The following KIF16B variants were observed in gnomAD, a reference collection of about 807,000 sequenced individuals.
The protein encoded by KIF16B is kinesin-like protein KIF16B.
KIF16B carries 98 observed loss-of-function variants against 156.3 expected under a neutral mutation model. The ratio of observed to expected loss-of-function variants is 0.63; its 90% CI spans 0.53 to 0.74. The LOEUF is 0.74. Ranked by LOEUF, KIF16B falls within the 30% of genes least tolerant of loss-of-function variation. The pLI, the probability that KIF16B is intolerant of heterozygous loss-of-function variation, is 0.00. For missense variants in KIF16B, 1,421 were observed against 1,606.5 expected, an observed-to-expected ratio of 0.88 and a Z score of 1.97; for synonymous variants, 564 against 583.7, an observed-to-expected ratio of 0.97 and a Z score of 0.49.
chr20:16,354,669 G>C (rs1372591772), intron 23 of KIF16B, among the ~76,000 whole-genome samples: 1 of 152,190 alleles, frequency 6.6e-6, no homozygotes, highest in East Asian at 1.9e-4. Flanking sequence ...GCAAAGGCTG[G>C]GCGCGGTGGC....
intron 19 of KIF16B, 87 bp downstream of exon 19, chr20:16,378,718 A>T: frequency 1.5e-6 from 2 of 1,350,776 alleles, no homozygotes; most frequent in Non-Finnish European, 1.0e-6. Context: ...AGTTAAAAAA[A>T]AAAAAGGATA....
At position 16,312,367 on chromosome 20, in the gene KIF16B, G is replaced by A. The variant is rs180803641; in HGVS notation, c.3763C>T (p.Arg1255Cys). The A allele has an allele frequency of 8.1e-6, 13 of 1,613,496 alleles. No individual in the cohort carries two copies. The highest frequency in any genetic ancestry group is 5.0e-5 in the Admixed American group (3 of 60,004). The change falls in exon 25 of 26, where the codon CGT becomes TGT. Residue 1255 changes from arginine to cysteine, a missense_variant. Transcript: ENST00000354981. Reference sequence around the variant, plus strand: ...TGACTTCGTCTCTCAGCAATCACACGTTCATCCTTATTTCCAAATAGTTTC... The same window carrying A: ...TGACTTCGTCTCTCAGCAATCACACATTCATCCTTATTTCCAAATAGTTTC... ...PKKLFGNKDERVIAERRSHLE... is the reference protein window; with the variant it reads ...PKKLFGNKDECVIAERRSHLE...
intron 9 of KIF16B, 44 bp from the exon 10 acceptor site, chr20:16,504,591 G>GGA (rs756970830): frequency 1.3e-6 from 2 of 1,550,380 alleles, no homozygotes; most frequent in Non-Finnish European, 1.8e-6. Flanking sequence ...AGCACTCCAT[G>GGA]TTCCATTTAA....
intron 14 of KIF16B, among the ~76,000 whole-genome samples, chr20:16,428,347 A>G (rs1411660747): frequency 6.6e-6 from 1 of 152,126 alleles, no homozygotes; most frequent in East Asian, 1.9e-4. Flanking sequence ...GCCAATCCCT[A>G]TCTTGCCACA....
At chr20:16,320,746 T>A (rs1303757740) in intron 24 of KIF16B, among the ~76,000 whole-genome samples, 3 of 152,182 alleles carry the variant, frequency 2.0e-5, no homozygotes, top group African/African-American at 7.2e-5. Flanking sequence ...TAGCACAATG[T>A]AAAGATCTCA....
At chr20:16,416,676 T>A (rs2066096141) in intron 15 of KIF16B, among the ~76,000 whole-genome samples, 1 of 151,580 alleles carries the variant, frequency 6.6e-6, no homozygotes, top group Non-Finnish European at 1.5e-5. Flanking sequence ...ATGGCACACG[T>A]TTACATATGT....
chr20:16,450,809 T>C (rs1200596132), intron 12 of KIF16B, among the ~76,000 whole-genome samples: 9 of 152,108 alleles, frequency 5.9e-5, no homozygotes, highest in Admixed American at 5.9e-4. Flanking sequence ...GAGTCATATT[T>C]GAGATCTGGA....
chr20:16,404,962 G>C, intron 16 of KIF16B, 61 bp from the exon 17 acceptor site: 1 of 1,165,216 alleles, frequency 8.6e-7, no homozygotes, highest in Admixed American at 1.8e-5. Flanking sequence ...CACTGCTCTG[G>C]ACTCATTGCT....
chr20:16,573,245 G>C lies in KIF16B; in HGVS notation c.31C>G (p.Arg11Gly). Residue 11 changes from arginine to glycine, a missense_variant, in exon 1 of 26, where the codon CGG (arginine) becomes GGG (glycine). Physicochemically the swap from Arg to Gly is moderately radical, Grantham distance 125 (BLOSUM62 -2). Transcript: ENST00000354981. ...CCCACTCACCTGCGATTCATGGGCC[G>C]GACCCTCACGGCCACCTTGACCGAT... MASVKVAVRV[R>G]PMNRREKDLE... 6.2e-7 allele frequency: 1 copy of C among 1,602,948 alleles called. No homozygotes were observed. The highest frequency in any genetic ancestry group is 8.5e-7 in the Non-Finnish European group (1 of 1,175,924).
Position 16,573,385 on chromosome 20 carries a change from G to T in KIF16B, c.-110C>A. On this transcript the variant is annotated 5_prime_UTR_variant, in exon 1 of 26. Transcript: ENST00000354981. ...TCCCGCCCACTTCCCTCTCGCCCCC[G>T]CCCCTCTGCTCCCGGCCGGACCTGG... 2.5e-6 allele frequency: 3 copies of T among 1,208,570 alleles called. No homozygotes were observed. Among genetic ancestry groups the T allele is most frequent in the South Asian group, 1.4e-5 (1 of 71,630 alleles). 74.9% of individuals were successfully genotyped at this position (1,208,570 alleles called of 1,614,324 possible). A position where few individuals can be genotyped will look rare whatever the true frequency, so the allele number is the denominator to read the frequency against.
chr20:16,572,446 C>T (rs2071490304), intron 1 of KIF16B, among the ~76,000 whole-genome samples: 1 of 129,364 alleles, frequency 7.7e-6, no homozygotes. Context: ...GAGGACACAT[C>T]CCATTTCTAC....
At chr20:16,530,363 C>T (rs528671970) in intron 1 of KIF16B, among the ~76,000 whole-genome samples, 24 of 152,288 alleles carry the variant, frequency 1.6e-4, no homozygotes, top group African/African-American at 4.8e-4. Context: ...ACTTCCCAGG[C>T]GGGCTTTCAA....
intron 13 of KIF16B, among the ~76,000 whole-genome samples, chr20:16,429,363 T>C (rs2066439850): frequency 6.6e-6 from 1 of 152,138 alleles, no homozygotes; most frequent in South Asian, 2.1e-4. Context: ...GCAGTAGCAT[T>C]CTCATTGTTA....
intron 24 of KIF16B, among the ~76,000 whole-genome samples, chr20:16,334,959 A>G (rs73112332): frequency 1.3e-5 from 2 of 152,244 alleles, no homozygotes; most frequent in Non-Finnish European, 2.9e-5. Flanking sequence ...AGATTCTTCT[A>G]TACACCAGGG....
At chr20:16,525,233 C>T (rs2069497214) in intron 3 of KIF16B, among the ~76,000 whole-genome samples, 1 of 152,042 alleles carries the variant, frequency 6.6e-6, no homozygotes, top group African/African-American at 2.4e-5. Context: ...TTCGAGATGC[C>T]ATTGCATGGA....
At chr20:16,332,514 T>C in intron 24 of KIF16B, among the ~76,000 whole-genome samples, 1 of 152,202 alleles carries the variant, frequency 6.6e-6, no homozygotes, top group East Asian at 1.9e-4. Flanking sequence ...AACACACGTG[T>C]TTGTGGGTTC....
intron 1 of KIF16B, among the ~76,000 whole-genome samples, chr20:16,564,880 A>G (rs569604343): frequency 6.6e-6 from 1 of 151,758 alleles, no homozygotes; most frequent in African/African-American, 2.4e-5. Flanking sequence ...CGACCACCTG[A>G]CTGTGCAGCC....
At chr20:16,288,983 G>A (rs770983082) in intron 25 of KIF16B, among the ~76,000 whole-genome samples, 2 of 145,400 alleles carry the variant, frequency 1.4e-5, no homozygotes, top group Non-Finnish European at 3.0e-5. Flanking sequence ...CTTATGATGG[G>A]ATCCCAATAA....
intron 12 of KIF16B, among the ~76,000 whole-genome samples, chr20:16,479,823 T>G (rs2067928168): frequency 1.3e-5 from 2 of 152,238 alleles, no homozygotes. Flanking sequence ...AGTCACTCTA[T>G]GATGTTTGCA....
Sources: allele counts gnomAD v4.1 joint callset (sites outside exome capture counted in the v4.1 genomes callset), GRCh38; gene constraint gnomAD v4.1.1; transcripts MANE v1.5; gene names NCBI Gene and HGNC (gene_info 2026-07-23, HGNC 2026-07-21).